Variants in MYH9 observed in about 807,000 individuals in gnomAD.
MYH9 encodes the protein myosin-9.
A neutral mutation model predicts 241.9 loss-of-function variants in MYH9; 29 were observed. The ratio of observed to expected loss-of-function variants is 0.12; its 90% CI spans 0.09 to 0.16. The LOEUF is 0.16. Ranked by LOEUF, MYH9 falls within the 10% of genes least tolerant of loss-of-function variation. The pLI, the probability that MYH9 is intolerant of heterozygous loss-of-function variation, is 1.00. For synonymous variants in MYH9, 1,047 were observed against 1,062.6 expected (o/e 0.99, Z 0.29); for missense variants, 1,803 against 2,595.5 (o/e 0.69, Z 6.63).
At chr22:36,381,443 G>A (rs1478655093) in intron 1 of MYH9, among the ~76,000 whole-genome samples, 1 of 151,732 alleles carries the variant, frequency 6.6e-6, no homozygotes, top group African/African-American at 2.4e-5. Context: ...CATGAACCCA[G>A]GAGGTGGAGG....
In MYH9 at chr22:36,294,249, C is replaced by G; in HGVS notation, c.3680G>C (p.Gly1227Ala). The change falls in exon 28 of 41, where the codon GGG (glycine) becomes GCG (alanine). Residue 1227 changes from glycine (G) to alanine (A), a missense_variant. Physicochemically the swap from Gly to Ala is moderately conservative, Grantham distance 60. Coordinates refer to ENST00000216181, the MANE Select transcript of MYH9 (RefSeq NM_002473.6). ...KAKQTLENER[G>A]ELANEVKVLL... ...CACCTTCACCTCGTTGGCCAGCTCC[C>G]CCCGCTCGTTCTCCAGAGTCTGCTT... 3 of 1,614,152 alleles carry G rather than the reference C, an allele frequency of 1.9e-6. No homozygotes were observed. The highest frequency in any genetic ancestry group is 2.5e-6 in the Non-Finnish European group (3 of 1,180,044).
intron 1 of MYH9, among the ~76,000 whole-genome samples, chr22:36,383,764 C>CCTGG (rs1204242687): frequency 6.6e-6 from 1 of 151,242 alleles, no homozygotes; most frequent in Non-Finnish European, 1.5e-5. Flanking sequence ...TCGAGACCAG[C>CCTGG]CTGGCCAACA....
At position 36,298,348 on chromosome 22, in the gene MYH9, G is replaced by A. The variant is rs543260225; in HGVS notation, c.3100+571C>T. On this transcript the variant is annotated intron_variant, in intron 24 of 40. Transcript: ENST00000216181. ...GCACCCCCTCCCTGCCACAGATCCC[G>A]AGGGCACACAGAGACAAGGCAGGAT... Among the ~76,000 whole-genome samples, 89 of 152,192 alleles carry A rather than the reference G, an allele frequency of 5.8e-4. 1 individual carries two copies. The highest frequency in any genetic ancestry group is 1.4e-3 in the Admixed American group (22 of 15,290).
At position 36,284,387 on chromosome 22, in the gene MYH9, CCA is replaced by C. The variant is rs2016544066; in HGVS notation, c.5592+14_5592+15del. The C allele has an allele frequency of 1.2e-6, 2 of 1,611,078 alleles. No individual in the cohort carries two copies. The highest frequency in any genetic ancestry group is 4.5e-5 in the East Asian group (2 of 44,880). On this transcript the variant is annotated intron_variant, in intron 39 of 40. Coordinates refer to ENST00000216181, the MANE Select transcript of MYH9 (RefSeq NM_002473.6). ...CAGCCCCGCTGCCCTTCTCACTGCC[CCA>C]CCAGCGCCCACACCTGGTCCTTGTA...
chr22:36,349,319 T>G, intron 1 of MYH9, 64 bp from the exon 2 acceptor site: 4 of 1,198,040 alleles, frequency 3.3e-6, no homozygotes, highest in Admixed American at 1.9e-5. Flanking sequence ...AGATCACTCA[T>G]GCTCACACCT....
chr22:36,289,262 A>G lies in MYH9; in HGVS notation c.4380T>C (p.Tyr1460=), dbSNP rs773316249. 3.3e-5 allele frequency: 53 copies of G among 1,612,586 alleles called. No individual in the cohort carries two copies. Among genetic ancestry groups the G allele is most frequent in the South Asian group, 2.3e-4 (21 of 91,028 alleles). Residue 1460 remains tyrosine (Y), a synonymous_variant, in exon 32 of 41, where the codon TAT becomes TAC. Transcript: ENST00000216181. ...LAEEKTISAK[Y]AEERDRAEAE... ...CCTCAGCCCGGTCGCGCTCCTCTGC[A>G]TACTTGGCAGAGATGGTCTTCTCCT...
At position 36,358,467 on chromosome 22, in the gene MYH9, C is replaced by A. The variant is rs796707217; in HGVS notation, c.-19-9212G>T. 3.3e-5 allele frequency among the ~76,000 whole-genome samples: 5 copies of A among 152,082 alleles called. No individual in the cohort carries two copies. In the South Asian group the frequency reaches 1.0e-3, roughly 32 times the overall value. On this transcript the variant is annotated intron_variant, in intron 1 of 40. Coordinates refer to ENST00000216181, the MANE Select transcript of MYH9 (RefSeq NM_002473.6). ...CAGCCGGATTATTTCCCGCCCAGAG[C>A]TCTCCCCCACACCCCTTCATATATT...
At position 36,293,546 on chromosome 22, in the gene MYH9, C is replaced by T. The variant is rs540231986; in HGVS notation, c.3943-65G>A. ...TGGTGTCCAAAACCCAGGAACCCCACACCCTTGAGGAGAGGGAGGAGCTGG... is the reference window on the plus strand; with the variant it reads ...TGGTGTCCAAAACCCAGGAACCCCATACCCTTGAGGAGAGGGAGGAGCTGG... On this transcript the variant is annotated intron_variant, in intron 29 of 40. Transcript: ENST00000216181. This position sits in a 1 kb window ranked among gnomAD's most constrained non-coding sequence, Gnocchi z 5.1. 70 of 1,597,590 alleles carry T rather than the reference C, an allele frequency of 4.4e-5. No individual in the cohort carries two copies. The highest frequency in any genetic ancestry group is 8.0e-5 in the African/African-American group (6 of 74,814).
chr22:36,300,308 C>T lies in MYH9; in HGVS notation c.2839-44G>A, dbSNP rs201552342. On this transcript the variant is annotated intron_variant, in intron 22 of 40. Coordinates refer to ENST00000216181, the MANE Select transcript of MYH9 (RefSeq NM_002473.6). This position sits in a 1 kb window ranked among gnomAD's most constrained non-coding sequence, Gnocchi z 5.0. ...ACGGTAAGGACAGCAGGCCCAGAGG[C>T]ATGGCCAAGGTGAAGGCAGCAAGGT... 5 of 1,608,772 alleles carry T rather than the reference C, an allele frequency of 3.1e-6. No individual in the cohort carries two copies. The East Asian group carries it at 1.1e-4, about 36-fold the overall frequency.
intron 1 of MYH9, among the ~76,000 whole-genome samples, chr22:36,360,479 C>T (rs865834287): frequency 9.2e-5 from 14 of 152,070 alleles, no homozygotes; most frequent in African/African-American, 2.9e-4. Context: ...TTTGAGAGGC[C>T]GAGGCGGGCG....
chr22:36,312,268 G>A (rs1459339289), intron 13 of MYH9, 46 bp from the exon 14 acceptor site: 1 of 1,603,014 alleles, frequency 6.2e-7, no homozygotes, highest in South Asian at 1.1e-5. Flanking sequence ...CCCTGGGAGG[G>A]GCACCCCACC....
chr22:36,382,983 G>C (rs2018283331), intron 1 of MYH9, among the ~76,000 whole-genome samples: 1 of 152,054 alleles, frequency 6.6e-6, no homozygotes, highest in African/African-American at 2.4e-5. Context: ...CACTCTGAGA[G>C]GCTGAGGCAG....
intron 1 of MYH9, among the ~76,000 whole-genome samples, chr22:36,378,368 G>A (rs1343227536): frequency 3.3e-5 from 5 of 152,222 alleles, no homozygotes; most frequent in Admixed American, 3.3e-4. Context: ...CCACGGTGCA[G>A]ATGGGAAAAC....
chr22:36,377,397 T>A (rs1216417489), intron 1 of MYH9, among the ~76,000 whole-genome samples: 4 of 152,102 alleles, frequency 2.6e-5, no homozygotes, highest in Non-Finnish European at 5.9e-5. Context: ...GGTGCCTCTA[T>A]CGCTTTGTAA....
At chr22:36,304,628 G>C (rs977144750) in intron 18 of MYH9, among the ~76,000 whole-genome samples, 1 of 152,218 alleles carries the variant, frequency 6.6e-6, no homozygotes, top group African/African-American at 2.4e-5. Context: ...CTAGGGCTGG[G>C]AGTGGGGAGG....
At chr22:36,345,311 CA>C (rs61363468) in intron 2 of MYH9, among the ~76,000 whole-genome samples, 78,909 of 90,704 alleles carry the variant, frequency 0.87, 34,160 homozygotes, top group South Asian at 0.93. Context: ...GACTCCGTCT[CA>C]AAAAAAAAAA....
intron 1 of MYH9, among the ~76,000 whole-genome samples, chr22:36,353,790 T>C (rs1259276120): frequency 3.3e-5 from 5 of 152,220 alleles, no homozygotes; most frequent in Admixed American, 3.3e-4. Flanking sequence ...TGGTCCTTTC[T>C]GGACCTGGCT....
rs987290435 is a variant in MYH9 at position 36,305,230 on chromosome 22, T to A, written c.2160-128A>T. 14 of 864,922 alleles carry A rather than the reference T, an allele frequency of 1.6e-5. No individual in the cohort carries two copies. The highest frequency in any genetic ancestry group is 2.2e-4 in the Middle Eastern group (1 of 4,474). 53.6% of individuals were successfully genotyped at this position (864,922 alleles called of 1,614,324 possible). Reference sequence around the variant, plus strand: ...ACAGAATTCTTTACACAAACTCTCCTAAGGAAAGAAGACACAGGCAAATCC... The same window carrying A: ...ACAGAATTCTTTACACAAACTCTCCAAAGGAAAGAAGACACAGGCAAATCC... On this transcript the variant is annotated intron_variant, in intron 17 of 40. Transcript: ENST00000216181. This position sits in a 1 kb window ranked among gnomAD's most constrained non-coding sequence, Gnocchi z 4.7.
At chr22:36,322,621 G>T in intron 5 of MYH9, 100 bp from the exon 6 acceptor site, 1 of 1,169,932 alleles carries the variant, frequency 8.5e-7, no homozygotes, top group East Asian at 2.4e-5. Flanking sequence ...GTGTCAGCAT[G>T]TCCAACGTGC....
Sources: allele counts gnomAD v4.1 joint callset (sites outside exome capture counted in the v4.1 genomes callset), GRCh38; gene constraint gnomAD v4.1.1; non-coding constraint Gnocchi (gnomAD v3.1); transcripts MANE v1.5; gene names NCBI Gene and HGNC (gene_info 2026-07-23, HGNC 2026-07-21).